ITFG1: variants seen among roughly 807,000 people sequenced by gnomAD.
ITFG1 encodes T-cell immunomodulatory protein.
Under a neutral mutation model 81.8 loss-of-function variants are expected in ITFG1, and 34 were observed. That is an observed-to-expected ratio of 0.42 (90% CI 0.32 to 0.55). ITFG1 has a LOEUF of 0.55. Among genes scored for constraint, ITFG1 ranks in the 20% least tolerant of loss-of-function variants. ITFG1 has a pLI of 0.17. For missense variants in ITFG1, 672 were observed against 755.4 expected, an observed-to-expected ratio of 0.89 and a Z score of 1.29; for synonymous variants, 285 against 270.6, an observed-to-expected ratio of 1.05 and a Z score of -0.52.
intron 10 of ITFG1, among the ~76,000 whole-genome samples, chr16:47,260,955 C>T (rs1232776569): frequency 6.6e-6 from 1 of 152,202 alleles, no homozygotes; most frequent in East Asian, 1.9e-4. Context: ...CCAAGTCCAT[C>T]CCTTCTTCCT....
chr16:47,293,407 T>G (rs908115739), intron 10 of ITFG1, among the ~76,000 whole-genome samples: 3 of 151,948 alleles, frequency 2.0e-5, no homozygotes, highest in Non-Finnish European at 4.4e-5. Context: ...TAGTTCTATT[T>G]TTAGTTCTTT....
At chr16:47,443,518 A>T (rs1246182803) in intron 5 of ITFG1, among the ~76,000 whole-genome samples, 1 of 152,206 alleles carries the variant, frequency 6.6e-6, no homozygotes, top group Non-Finnish European at 1.5e-5. Context: ...AAAATGATAG[A>T]CTGGATTAAG....
At chr16:47,438,511 A>G (rs991746021) in intron 5 of ITFG1, among the ~76,000 whole-genome samples, 3 of 152,216 alleles carry the variant, frequency 2.0e-5, no homozygotes, top group Non-Finnish European at 2.9e-5. Context: ...ATCAGGCAGC[A>G]GCATTTGCGG....
chr16:47,440,121 A>T (rs1197582002), intron 5 of ITFG1, among the ~76,000 whole-genome samples: 2 of 152,178 alleles, frequency 1.3e-5, no homozygotes, highest in Non-Finnish European at 2.9e-5. Flanking sequence ...GGATCAATTC[A>T]ACAAGAAGAG....
In ITFG1 at chr16:47,260,699, T is replaced by C; in HGVS notation, c.1071-4A>G. ...CAGTAAAAAGGCCTGCTGGTTGCTG[T>C]GCGCCAAAGGAAAGGCATTTCGTTA... On this transcript the variant is annotated splice_region_variant and splice_polypyrimidine_tract_variant and intron_variant, in intron 10 of 17. Coordinates refer to ENST00000320640, the MANE Select transcript of ITFG1 (RefSeq NM_030790.5). 1 of 1,614,152 alleles carries C rather than the reference T, an allele frequency of 6.2e-7. No homozygotes were observed. The highest frequency in any genetic ancestry group is 8.5e-7 in the Non-Finnish European group (1 of 1,180,000).
At chr16:47,213,788 C>T (rs1265939512) in intron 14 of ITFG1, among the ~76,000 whole-genome samples, 1 of 152,118 alleles carries the variant, frequency 6.6e-6, no homozygotes, top group East Asian at 1.9e-4. Context: ...GACTTGTGCT[C>T]AGGACCCTTC....
rs563209805 is a variant in ITFG1 at position 47,445,291 on chromosome 16, A to G, written c.560+6105T>C. Reference sequence around the variant, plus strand: ...AAAAAAAAGATTTCCCCCACGTTTGATATCTATGGGTTTTCACATCCCAGC... The same window carrying G: ...AAAAAAAAGATTTCCCCCACGTTTGGTATCTATGGGTTTTCACATCCCAGC... On this transcript the variant is annotated intron_variant, in intron 5 of 17. Transcript: ENST00000320640. 5.5e-5 allele frequency among the ~76,000 whole-genome samples: 8 copies of G among 145,498 alleles called. No individual in the cohort carries two copies. In the South Asian group the frequency reaches 1.1e-3, roughly 21 times the overall value.
chr16:47,239,870 C>G (rs780133004), intron 12 of ITFG1, among the ~76,000 whole-genome samples: 7 of 152,140 alleles, frequency 4.6e-5, no homozygotes, highest in Non-Finnish European at 1.0e-4. Flanking sequence ...ATCTTGCTGA[C>G]CCACAGTTAC....
intron 11 of ITFG1, among the ~76,000 whole-genome samples, chr16:47,260,300 T>C (rs928361164): frequency 1.3e-5 from 2 of 152,186 alleles, no homozygotes; most frequent in African/African-American, 4.8e-5. Flanking sequence ...CATGATGCTT[T>C]AGTGGTTTAA....
intron 14 of ITFG1, among the ~76,000 whole-genome samples, chr16:47,213,264 ACTCT>A (rs1424150597): frequency 6.6e-6 from 1 of 152,104 alleles, no homozygotes; most frequent in Non-Finnish European, 1.5e-5. Context: ...GTTGGAGAAT[ACTCT>A]CTATGGTTTC....
At chr16:47,325,370 C>A (rs1250168063) in intron 8 of ITFG1, among the ~76,000 whole-genome samples, 8 of 152,230 alleles carry the variant, frequency 5.3e-5, no homozygotes, top group African/African-American at 1.7e-4. Flanking sequence ...CATGAGAAAG[C>A]AGGAAAGATC....
At chr16:47,405,523 TA>T (rs1249004105) in intron 6 of ITFG1, among the ~76,000 whole-genome samples, 6 of 152,322 alleles carry the variant, frequency 3.9e-5, no homozygotes, top group Admixed American at 3.9e-4. Context: ...ATTTAATGGT[TA>T]AAAAATTTTA....
intron 8 of ITFG1, among the ~76,000 whole-genome samples, chr16:47,357,507 C>T (rs1437407352): frequency 2.7e-5 from 4 of 149,744 alleles, no homozygotes; most frequent in Non-Finnish European, 1.5e-5. Flanking sequence ...CCCAGCGACC[C>T]GGGAGGCTGA....
chr16:47,326,674 C>T (rs1482183948), intron 8 of ITFG1, among the ~76,000 whole-genome samples: 2 of 152,084 alleles, frequency 1.3e-5, no homozygotes, highest in Non-Finnish European at 2.9e-5. Context: ...TTCTTATACA[C>T]CAAAAACAGA....
intron 6 of ITFG1, among the ~76,000 whole-genome samples, chr16:47,388,920 C>G (rs1312048715): frequency 6.6e-6 from 1 of 152,120 alleles, no homozygotes; most frequent in Non-Finnish European, 1.5e-5. Context: ...TGCAGGGTCA[C>G]AAGACTGGTA....
At chr16:47,434,073 G>T (rs922484624) in intron 5 of ITFG1, among the ~76,000 whole-genome samples, 4 of 150,920 alleles carry the variant, frequency 2.7e-5, no homozygotes, top group Admixed American at 6.6e-5. Context: ...ATGGATTAAA[G>T]ACTTAAAATA....
chr16:47,333,041 A>G lies in ITFG1; in HGVS notation c.803-19218T>C, dbSNP rs189288304. On this transcript the variant is annotated intron_variant, in intron 8 of 17. Coordinates refer to ENST00000320640, the MANE Select transcript of ITFG1 (RefSeq NM_030790.5). ...AACACCTACACATGCAGTTGTCTCA[A>G]TTTTAATAAATATACAATGCCCAAA... Among the ~76,000 whole-genome samples, 18 of 152,296 alleles carry G rather than the reference A, an allele frequency of 1.2e-4. No individual in the cohort carries two copies. In the East Asian group the frequency reaches 3.1e-3, roughly 26 times the overall value.
chr16:47,162,130 A>C (rs1421391747), intron 15 of ITFG1, among the ~76,000 whole-genome samples: 1 of 152,128 alleles, frequency 6.6e-6, no homozygotes, highest in Non-Finnish European at 1.5e-5. Context: ...TGCTGCTTGG[A>C]GCTAAAATTC....
chr16:47,446,519 A>C (rs1278090825), intron 5 of ITFG1, among the ~76,000 whole-genome samples: 1 of 152,176 alleles, frequency 6.6e-6, no homozygotes, highest in Non-Finnish European at 1.5e-5. Context: ...AAGAGACAGC[A>C]CTGACTACTA....
Sources: gnomAD v4.1 joint callset for allele counts (sites outside exome capture counted in the v4.1 genomes callset) on GRCh38, gnomAD v4.1.1 for gene constraint, MANE v1.5 for transcripts, NCBI Gene and HGNC (gene_info 2026-07-23, HGNC 2026-07-21) for gene names.